Variants in PINX1 observed in about 807,000 individuals in gnomAD.
PINX1 encodes PIN2/TERF1-interacting telomerase inhibitor 1.
Under a neutral mutation model 25.4 loss-of-function variants are expected in PINX1, and 34 were observed. The observed-to-expected ratio is 1.34, with a 90% confidence interval of 1.02 to 1.78. The LOEUF (loss-of-function observed/expected upper bound fraction) is 1.78, where lower values mean the gene tolerates loss of function less well. Among genes scored for constraint, PINX1 ranks in the 40% most tolerant of loss-of-function variants. The probability of loss-of-function intolerance (pLI) is 0.00; values close to 1 mark genes in which losing one functional copy is unlikely to be tolerated. For synonymous variants in PINX1, 197 were observed against 147.7 expected, an observed-to-expected ratio of 1.33 and a Z score of -2.42; for missense variants, 592 against 404.9, an observed-to-expected ratio of 1.46 and a Z score of -3.97.
chr8:10,790,928 A>G (rs1801903017), intron 6 of PINX1, among the ~76,000 whole-genome samples: 1 of 151,882 alleles, frequency 6.6e-6, no homozygotes, highest in Non-Finnish European at 1.5e-5. Flanking sequence ...CCCAGTTTTT[A>G]TTGAGACAGA....
At chr8:10,784,847 C>T (rs1801697815) in intron 6 of PINX1, among the ~76,000 whole-genome samples, 2 of 152,174 alleles carry the variant, frequency 1.3e-5, no homozygotes, top group African/African-American at 4.8e-5. Flanking sequence ...AAAAGATAAA[C>T]TTGTCAAAGA....
chr8:10,806,308 A>G (rs1802450339), intron 6 of PINX1, among the ~76,000 whole-genome samples: 1 of 152,204 alleles, frequency 6.6e-6, no homozygotes, highest in Non-Finnish European at 1.5e-5. Flanking sequence ...GTAGGAGCTC[A>G]TGGACGCACG....
Position 10,820,162 on chromosome 8 carries a change from C to A in PINX1, c.471+31G>T, listed in dbSNP as rs771316138. 13 of 1,352,116 alleles carry A rather than the reference C, an allele frequency of 9.6e-6. No homozygotes were observed. The South Asian group carries it at 1.2e-4, about 12-fold the overall frequency. 83.8% of individuals were successfully genotyped at this position (1,352,116 alleles called of 1,614,324 possible). ...AGGTGAAAATCAGACAGTATTAAAG[C>A]GGAACACGGAAACTGTACGTGGCTT... On this transcript the variant is annotated intron_variant, in intron 6 of 6. Transcript: ENST00000314787.
At chr8:10,811,810 A>G (rs1282792214) in intron 6 of PINX1, among the ~76,000 whole-genome samples, 3 of 152,166 alleles carry the variant, frequency 2.0e-5, no homozygotes, top group African/African-American at 7.2e-5. Context: ...GTTCCAGCCA[A>G]CGAGGCCTCA....
At chr8:10,839,266 C>T (rs1798497266) in intron 1 of PINX1, among the ~76,000 whole-genome samples, 1 of 152,232 alleles carries the variant, frequency 6.6e-6, no homozygotes, top group African/African-American at 2.4e-5. Flanking sequence ...TGGCTGACGT[C>T]CCATATTTGA....
At chr8:10,810,731 C>G (rs1797484360) in intron 6 of PINX1, among the ~76,000 whole-genome samples, 2 of 152,176 alleles carry the variant, frequency 1.3e-5, no homozygotes, top group African/African-American at 4.8e-5. Context: ...TACTTCCACC[C>G]AAAACTGCAG....
At chr8:10,835,387 C>A (rs180714470) in intron 1 of PINX1, among the ~76,000 whole-genome samples, 22 of 152,286 alleles carry the variant, frequency 1.4e-4, no homozygotes, top group Middle Eastern at 3.4e-3. Flanking sequence ...ATCCTTTAAA[C>A]CAACCTTGGT....
At chr8:10,792,124 G>C (rs1432282001) in intron 6 of PINX1, among the ~76,000 whole-genome samples, 3 of 152,166 alleles carry the variant, frequency 2.0e-5, no homozygotes, top group African/African-American at 7.2e-5. Context: ...GCTATTTAGA[G>C]ACCTAGAGAA....
chr8:10,824,494 C>T (rs866297259), intron 5 of PINX1, among the ~76,000 whole-genome samples: 6 of 152,156 alleles, frequency 3.9e-5, no homozygotes, highest in Non-Finnish European at 5.9e-5. Context: ...TCTCCCCAGG[C>T]AAGGCTAATA....
chr8:10,827,040 C>G (rs1273546123), intron 4 of PINX1, among the ~76,000 whole-genome samples: 1 of 152,164 alleles, frequency 6.6e-6, no homozygotes, highest in Non-Finnish European at 1.5e-5. Flanking sequence ...GTGCAGTTGA[C>G]AGTAACACCA....
At chr8:10,804,697 A>C (rs1249313701) in intron 6 of PINX1, among the ~76,000 whole-genome samples, 1 of 152,112 alleles carries the variant, frequency 6.6e-6, no homozygotes, top group Non-Finnish European at 1.5e-5. Context: ...AAAAAGCAAG[A>C]TGAATGCTGG....
chr8:10,771,194 G>C (rs1435775912), intron 6 of PINX1: 5 of 152,162 alleles, frequency 3.3e-5, no homozygotes, highest in Non-Finnish European at 7.3e-5. Flanking sequence ...TATCCCTTCA[G>C]GTATGAAGTG....
Position 10,774,289 on chromosome 8 carries a change from T to C in PINX1, c.472-8373A>G, listed in dbSNP as rs193161199. On this transcript the variant is annotated intron_variant, in intron 6 of 6. Coordinates refer to ENST00000314787, the MANE Select transcript of PINX1 (RefSeq NM_017884.6). ...ATTTCTAAAAAGAATAAGGTCTTTT[T>C]TTTTTTTTTGAGACGGAGTTTCACT... 2.5e-3 allele frequency among the ~76,000 whole-genome samples: 381 copies of C among 152,268 alleles called. 3 individuals are homozygous for C. Among genetic ancestry groups the C allele is most frequent in the Non-Finnish European group, 4.7e-3 (320 of 68,016 alleles).
intron 5 of PINX1, among the ~76,000 whole-genome samples, chr8:10,820,476 T>C (rs1439907280): frequency 1.1e-4 from 17 of 152,250 alleles, no homozygotes; most frequent in Non-Finnish European, 2.4e-4. Context: ...GTAAATGTTT[T>C]AGAACCAGAA....
chr8:10,790,540 G>A (rs778695348), intron 6 of PINX1, among the ~76,000 whole-genome samples: 1 of 152,162 alleles, frequency 6.6e-6, no homozygotes, highest in African/African-American at 2.4e-5. Flanking sequence ...CATCCAAGCT[G>A]TCGGAGCCTC....
intron 6 of PINX1, among the ~76,000 whole-genome samples, chr8:10,781,164 T>C (rs1269149098): frequency 6.6e-6 from 1 of 152,158 alleles, no homozygotes; most frequent in African/African-American, 2.4e-5. Flanking sequence ...AAAAATGAAA[T>C]TGGACCTTAT....
chr8:10,802,419 G>C (rs890370664), intron 6 of PINX1, among the ~76,000 whole-genome samples: 1 of 152,182 alleles, frequency 6.6e-6, no homozygotes, highest in Non-Finnish European at 1.5e-5. Context: ...GCACTCTGGA[G>C]ACATCAATCA....
intron 4 of PINX1, among the ~76,000 whole-genome samples, chr8:10,828,375 C>T (rs1160761772): frequency 6.6e-6 from 1 of 152,164 alleles, no homozygotes; most frequent in African/African-American, 2.4e-5. Context: ...AGGGACGAGG[C>T]GCTGGACTGG....
At chr8:10,768,535 G>C (rs780331597) in intron 6 of PINX1, among the ~76,000 whole-genome samples, 35 of 152,154 alleles carry the variant, frequency 2.3e-4, no homozygotes, top group Non-Finnish European at 4.4e-4. Context: ...CACAGGCTTG[G>C]CAGGGCATGG....
Sources: gnomAD v4.1 joint callset for allele counts (sites outside exome capture counted in the v4.1 genomes callset) on GRCh38, gnomAD v4.1.1 for gene constraint, MANE v1.5 for transcripts, NCBI Gene and HGNC (gene_info 2026-07-23, HGNC 2026-07-21) for gene names.